The following F11R variants were observed in gnomAD, a reference collection of about 807,000 sequenced individuals.
F11R encodes F11 receptor, also known as junctional adhesion molecule A.
A neutral mutation model predicts 39.3 loss-of-function variants in F11R; 27 were observed. That is an observed-to-expected ratio of 0.69 (90% CI 0.51 to 0.95). The LOEUF is 0.95. Ranked by LOEUF, F11R falls within the 40% of genes least tolerant of loss-of-function variation. The pLI is 0.00. For missense variants in F11R, 335 were observed against 372.7 expected, an observed-to-expected ratio of 0.90 and a Z score of 0.83; for synonymous variants, 131 against 144.9, an observed-to-expected ratio of 0.90 and a Z score of 0.69.
intron 1 of F11R, among the ~76,000 whole-genome samples, chr1:161,004,901 C>T (rs963770201): frequency 5.9e-5 from 9 of 151,826 alleles, no homozygotes; most frequent in Non-Finnish European, 1.0e-4. Flanking sequence ...TAGCTCACAC[C>T]TGTAATTCCA....
Position 161,012,806 on chromosome 1 carries a change from G to A in F11R, c.64+8204C>T, listed in dbSNP as rs536230113. Among the ~76,000 whole-genome samples, 266 of 151,976 alleles carry A rather than the reference G, an allele frequency of 1.8e-3. 2 individuals are homozygous for A. The highest frequency in any genetic ancestry group is 6.0e-3 in the African/African-American group (251 of 41,488). On this transcript the variant is annotated intron_variant, in intron 1 of 9. Transcript: ENST00000368026. Reference sequence around the variant, plus strand: ...TGCCCGGCTAATTTTTGTATTTTTGGTAGAAACAGGGTTTCACCATGTTGG... The same window carrying A: ...TGCCCGGCTAATTTTTGTATTTTTGATAGAAACAGGGTTTCACCATGTTGG...
At chr1:161,015,533 G>A (rs1414058052) in intron 1 of F11R, among the ~76,000 whole-genome samples, 1 of 150,536 alleles carries the variant, frequency 6.6e-6, no homozygotes, top group Non-Finnish European at 1.5e-5. Context: ...AGAGTCTGCA[G>A]TGAGACAAGA....
At chr1:161,001,985 G>GC (rs1648519658) in intron 1 of F11R, among the ~76,000 whole-genome samples, 1 of 152,136 alleles carries the variant, frequency 6.6e-6, no homozygotes, top group South Asian at 2.1e-4. Flanking sequence ...CACAGCTGGG[G>GC]CCAGGTGCGG....
intron 1 of F11R, among the ~76,000 whole-genome samples, chr1:161,016,480 C>CAAAT (rs1045054816): frequency 1.9e-4 from 29 of 149,776 alleles, no homozygotes; most frequent in East Asian, 3.9e-4. Flanking sequence ...GTCTCAAAAA[C>CAAAT]AAATAAATAA....
chr1:161,010,041 T>C (rs932595651), intron 1 of F11R, among the ~76,000 whole-genome samples: 1 of 132,156 alleles, frequency 7.6e-6, no homozygotes, highest in Non-Finnish European at 1.6e-5. Flanking sequence ...CTTATATGCA[T>C]TTTCTCACTA....
chr1:161,014,140 T>C (rs1649321234), intron 1 of F11R, among the ~76,000 whole-genome samples: 1 of 152,224 alleles, frequency 6.6e-6, no homozygotes, highest in Non-Finnish European at 1.5e-5. Context: ...CTCAATTATG[T>C]TGGACGCAAG....
chr1:161,011,836 T>C (rs2101984208), intron 1 of F11R, among the ~76,000 whole-genome samples: 1 of 152,234 alleles, frequency 6.6e-6, no homozygotes, highest in Middle Eastern at 3.4e-3. Context: ...CTCTAGATAA[T>C]AGAATTACAT....
intron 1 of F11R, among the ~76,000 whole-genome samples, chr1:161,011,379 G>A (rs1382680217): frequency 1.3e-5 from 2 of 152,086 alleles, no homozygotes; most frequent in Admixed American, 6.6e-5. Context: ...AAATCTAAAT[G>A]CCCAACAAAA....
chr1:161,000,514 G>A, intron 4 of F11R, 117 bp downstream of exon 4: 1 of 1,489,550 alleles, frequency 6.7e-7, no homozygotes, highest in Non-Finnish European at 9.2e-7. Flanking sequence ...GGCAGCTCCA[G>A]GACTCTGAAT....
chr1:161,001,647 G>A (rs533528174), intron 1 of F11R, among the ~76,000 whole-genome samples: 3 of 152,216 alleles, frequency 2.0e-5, no homozygotes, highest in Admixed American at 1.3e-4. Flanking sequence ...ATTTCTACTA[G>A]TCCAAGGGCA....
chr1:160,998,999 C>G (rs1175781267), intron 9 of F11R, 44 bp downstream of exon 9: 1 of 1,613,980 alleles, frequency 6.2e-7, no homozygotes, highest in Non-Finnish European at 8.5e-7. Context: ...TCTCCTCACT[C>G]CAGCCCCAGG....
chr1:161,017,836 C>CCTGAAAGGGCAAAG (rs1167300566), intron 1 of F11R, among the ~76,000 whole-genome samples: 1 of 152,196 alleles, frequency 6.6e-6, no homozygotes, highest in Non-Finnish European at 1.5e-5. Context: ...TATGCCTGCC[C>CCTGAAAGGGCAAAG]CTGAAAGGGC....
chr1:160,997,230 T>A lies in F11R; in HGVS notation c.*1641A>T, dbSNP rs952258531. ...CCCATGATCTGGTCTTCAAATTTCT[T>A]CTGAATTCCACCCCACTAAATACAG... On this transcript the variant is annotated 3_prime_UTR_variant, in exon 10 of 10. Coordinates refer to ENST00000368026, the MANE Select transcript of F11R (RefSeq NM_016946.6). 8 of 152,316 alleles carry A rather than the reference T, an allele frequency of 5.3e-5. No individual in the cohort carries two copies. Among genetic ancestry groups the A allele is most frequent in the African/African-American group, 1.7e-4 (7 of 41,440 alleles). 9.4% of individuals were successfully genotyped at this position (152,316 alleles called of 1,614,324 possible). A position where few individuals can be genotyped will look rare whatever the true frequency, so the allele number is the denominator to read the frequency against.
rs761633293 is a variant in F11R, at chr1:161,021,018, A to T, written c.56T>A (p.Ile19Asn). Residue 19 changes from isoleucine to asparagine, a missense_variant, in exon 1 of 10, where the codon ATC (isoleucine) becomes AAC (asparagine). Ile to Asn is a moderately radical substitution (Grantham distance 149). Coordinates refer to ENST00000368026, the MANE Select transcript of F11R (RefSeq NM_016946.6). ...AAACTCTGGGAACTTACACAACAGG[A>T]TCGCCAATATGAAGAGGCACAACAG... ...RKLLCLFILA[I>N]LLCSLALGSV... 36 of 1,614,020 alleles carry T rather than the reference A, an allele frequency of 2.2e-5. No homozygotes were observed. In the South Asian group the frequency reaches 4.0e-4, roughly 18 times the overall value.
chr1:161,019,825 T>G (rs529824664), intron 1 of F11R, among the ~76,000 whole-genome samples: 82 of 152,278 alleles, frequency 5.4e-4, no homozygotes, highest in African/African-American at 1.8e-3. Context: ...ATTTCCCCTT[T>G]TGGACTTGTT....
intron 1 of F11R, among the ~76,000 whole-genome samples, chr1:161,019,556 T>C (rs1321515068): frequency 2.0e-5 from 3 of 148,582 alleles, no homozygotes; most frequent in East Asian, 2.0e-4. Context: ...GATGGCACCA[T>C]TGCACTCGAG....
chr1:160,998,961 C>A, intron 9 of F11R, 55 bp from the exon 10 acceptor site: 2 of 1,613,662 alleles, frequency 1.2e-6, no homozygotes, highest in Non-Finnish European at 1.7e-6. Context: ...GCTGATAATC[C>A]CCAAAACACA....
intron 1 of F11R, among the ~76,000 whole-genome samples, chr1:161,012,550 G>GA (rs1382424041): frequency 6.6e-6 from 1 of 151,328 alleles, no homozygotes; most frequent in Non-Finnish European, 1.5e-5. Flanking sequence ...AAAAATAAAA[G>GA]AAAAAAAGAA....
At chr1:161,010,418 T>C (rs2101981965) in intron 1 of F11R, among the ~76,000 whole-genome samples, 1 of 113,764 alleles carries the variant, frequency 8.8e-6, no homozygotes, top group Middle Eastern at 9.4e-3. Context: ...CACTCCAGCC[T>C]GGGTGACAGA....
Sources: gnomAD v4.1 joint callset for allele counts (sites outside exome capture counted in the v4.1 genomes callset) on GRCh38, gnomAD v4.1.1 for gene constraint, MANE v1.5 for transcripts, NCBI Gene and HGNC (gene_info 2026-07-23, HGNC 2026-07-21) for gene names.